The following GLG1 variants were observed in gnomAD, a reference collection of about 807,000 sequenced individuals.
The protein encoded by GLG1 is golgi glycoprotein 1, also known as Golgi apparatus protein 1.
Under a neutral mutation model 160.5 loss-of-function variants are expected in GLG1, and 38 were observed. The ratio of observed to expected loss-of-function variants is 0.24; its 90% CI spans 0.18 to 0.31. The LOEUF is 0.31. Ranked by LOEUF, GLG1 falls within the 10% of genes least tolerant of loss-of-function variation. GLG1 has a pLI of 1.00. For synonymous variants in GLG1, 644 were observed against 543.4 expected, an observed-to-expected ratio of 1.19 and a Z score of -2.57; for missense variants, 1,373 against 1,505.2, an observed-to-expected ratio of 0.91 and a Z score of 1.45.
rs189788578 is a variant in GLG1 at position 74,505,242 on chromosome 16, T to C, written c.559-1496A>G. On this transcript the variant is annotated intron_variant, in intron 3 of 25. Coordinates refer to ENST00000422840, the MANE Select transcript of GLG1 (RefSeq NM_001145667.2). ...GTTGTCTTCACCTCTAACTCCAGTA[T>C]CAAATCCAGACCACGTAAATAACTC... Among the ~76,000 whole-genome samples the C allele has an allele frequency of 3.5e-4, 53 of 152,304 alleles. 1 individual carries two copies. Among genetic ancestry groups the C allele is most frequent in the Admixed American group, 1.5e-3 (23 of 15,296 alleles).
chr16:74,599,587 G>A lies in GLG1; in HGVS notation c.438+7070C>T, dbSNP rs143793708. Among the ~76,000 whole-genome samples, 1,234 of 152,106 alleles carry A rather than the reference G, an allele frequency of 8.1e-3. 15 individuals are homozygous for A. Among genetic ancestry groups the A allele is most frequent in the African/African-American group, 0.028 (1,142 of 41,492 alleles). ...TACAAAAATTAGCCAAGCCTCGGCC[G>A]GACACAGTGGCTCACGCCTGTCATC... On this transcript the variant is annotated intron_variant, in intron 1 of 25. Transcript: ENST00000422840.
intron 1 of GLG1, among the ~76,000 whole-genome samples, chr16:74,548,904 G>A (rs1597335919): frequency 6.6e-6 from 1 of 152,086 alleles, no homozygotes; most frequent in Admixed American, 6.5e-5. Flanking sequence ...GCTGAGGCAG[G>A]AGAATCACTT....
At chr16:74,569,781 TG>T (rs1416525251) in intron 1 of GLG1, among the ~76,000 whole-genome samples, 3 of 149,584 alleles carry the variant, frequency 2.0e-5, no homozygotes, top group African/African-American at 7.4e-5. Flanking sequence ...GAGAATCACT[TG>T]AACCTGGGGA....
chr16:74,543,478 T>C (rs367815802), intron 1 of GLG1, among the ~76,000 whole-genome samples: 14 of 151,470 alleles, frequency 9.2e-5, no homozygotes, highest in African/African-American at 2.2e-4. Context: ...AACTTACCTC[T>C]AAAAAAACAG....
intron 1 of GLG1, among the ~76,000 whole-genome samples, chr16:74,541,083 T>C (rs1207748699): frequency 2.0e-5 from 3 of 152,160 alleles, no homozygotes; most frequent in African/African-American, 7.2e-5. Flanking sequence ...CCCTGCACTT[T>C]GGGAGGCTGA....
At chr16:74,501,297 G>A (rs922014365) in intron 4 of GLG1, among the ~76,000 whole-genome samples, 4 of 152,228 alleles carry the variant, frequency 2.6e-5, no homozygotes, top group East Asian at 3.9e-4. Flanking sequence ...CTATCTCACC[G>A]TCCCCAAAAT....
chr16:74,596,052 G>C (rs1441783089), intron 1 of GLG1, among the ~76,000 whole-genome samples: 1 of 152,154 alleles, frequency 6.6e-6, no homozygotes, highest in Admixed American at 6.5e-5. Flanking sequence ...GAACCTGAGA[G>C]GCAGAGGTTG....
rs75630450 is a variant in GLG1 at position 74,481,395 on chromosome 16, A to G, written c.1674-1001T>C. ...GTCAACTTTGGTAGATGGCTAGTTA[A>G]TGGGAGAAAAAAGCTAATATTTAAT... is the stretch of plus-strand genomic sequence containing the variant. On this transcript the variant is annotated intron_variant, in intron 10 of 25. Coordinates refer to ENST00000422840, the MANE Select transcript of GLG1 (RefSeq NM_001145667.2). Among the ~76,000 whole-genome samples the G allele has an allele frequency of 6.7e-4, 102 of 152,308 alleles. 1 individual carries two copies. In the East Asian group the frequency reaches 0.017, roughly 25 times the overall value.
chr16:74,524,077 G>T (rs759732144), intron 2 of GLG1, among the ~76,000 whole-genome samples: 1 of 152,060 alleles, frequency 6.6e-6, no homozygotes, highest in Non-Finnish European at 1.5e-5. Context: ...GCTGGGTGTG[G>T]TATGTGCCTG....
intron 1 of GLG1, chr16:74,563,348 G>C (rs145625941): frequency 1.3e-5 from 2 of 152,246 alleles, no homozygotes; most frequent in African/African-American, 4.8e-5. Context: ...GAACACTAGT[G>C]CTTGGAAGCC....
At chr16:74,483,172 C>G in intron 9 of GLG1, 48 bp from the exon 10 acceptor site, 1 of 1,072,488 alleles carries the variant, frequency 9.3e-7, no homozygotes, top group Non-Finnish European at 1.4e-6. Flanking sequence ...GTGTTCAGAA[C>G]TCTATGTCAA....
intron 20 of GLG1, chr16:74,462,920 C>A (rs569972452): frequency 4.3e-6 from 2 of 464,118 alleles, no homozygotes; most frequent in African/African-American, 2.0e-5. Flanking sequence ...CATCAGCAAC[C>A]TTCCCCATAA....
At position 74,585,627 on chromosome 16, in the gene GLG1, G is replaced by A. The variant is rs544892633; in HGVS notation, c.438+21030C>T. Reference sequence around the variant, plus strand: ...GGAGGCTGAGGCAGGAGAATGGCGTGAACTCAGGAGGCAGAGCTTGCAGTG... The same window carrying A: ...GGAGGCTGAGGCAGGAGAATGGCGTAAACTCAGGAGGCAGAGCTTGCAGTG... On this transcript the variant is annotated intron_variant, in intron 1 of 25. Coordinates refer to ENST00000422840, the MANE Select transcript of GLG1 (RefSeq NM_001145667.2). Among the ~76,000 whole-genome samples the A allele has an allele frequency of 2.1e-5, 3 of 145,602 alleles. No homozygotes were observed. In the Admixed American group the frequency reaches 2.2e-4, roughly 11 times the overall value.
rs34125450 is a variant in GLG1 at position 74,479,051 on chromosome 16, CAAAAAAAAAA to C, written c.1827+1180_1827+1189del. On this transcript the variant is annotated intron_variant, in intron 11 of 25. Coordinates refer to ENST00000422840, the MANE Select transcript of GLG1 (RefSeq NM_001145667.2). Reference sequence around the variant, plus strand: ...AGAAACCCCGTCTCTATTAAAAATCCAAAAAAAAAAAAAAAAAAAAAAAAAAAGCCAGGCA... The same window carrying C: ...AGAAACCCCGTCTCTATTAAAAATCCAAAAAAAAAAAAAAAAAGCCAGGCA... Among the ~76,000 whole-genome samples the C allele has an allele frequency of 0.025, 434 of 17,584 alleles. 25 individuals are homozygous for C. In the East Asian group the frequency reaches 0.28, roughly 11 times the overall value. The allele number at this position is 17,584 out of a possible 152,430, so 11.5% of individuals were successfully genotyped here.
chr16:74,555,129 G>C (rs537166283), intron 1 of GLG1, among the ~76,000 whole-genome samples: 8 of 152,078 alleles, frequency 5.3e-5, no homozygotes, highest in African/African-American at 1.7e-4. Context: ...CCACCAGATG[G>C]GCCATTCTCA....
At chr16:74,511,360 T>G (rs1237651985) in intron 2 of GLG1, among the ~76,000 whole-genome samples, 1 of 151,758 alleles carries the variant, frequency 6.6e-6, no homozygotes, top group Non-Finnish European at 1.5e-5. Context: ...CATCAATAAC[T>G]GAGTTTTTAG....
In GLG1 at chr16:74,465,839, T is replaced by C. The variant is rs774797664; in HGVS notation, c.2530-26A>G. 2.5e-6 allele frequency: 4 copies of C among 1,609,220 alleles called. No homozygotes were observed. The South Asian group carries it at 4.4e-5, about 18-fold the overall frequency. On this transcript the variant is annotated intron_variant, in intron 18 of 25. Transcript: ENST00000422840. ...CTATGGCAAAAGAGTTATAGTCAAG[T>C]TGAGAGATGTCAGAGACTGCTCATC...
chr16:74,465,906 A>C, intron 18 of GLG1, 93 bp from the exon 19 acceptor site: 1 of 1,049,968 alleles, frequency 9.5e-7, no homozygotes, highest in Non-Finnish European at 1.4e-6. Flanking sequence ...TGTGCCTCCC[A>C]TTTCTTTATC....
chr16:74,497,461 G>A (rs1205023931), intron 4 of GLG1, among the ~76,000 whole-genome samples: 5 of 127,154 alleles, frequency 3.9e-5, no homozygotes, highest in Admixed American at 2.6e-4. Context: ...TTTTTGAGAC[G>A]GAGTCTCGCT....
Sources: allele counts gnomAD v4.1 joint callset (sites outside exome capture counted in the v4.1 genomes callset), GRCh38; gene constraint gnomAD v4.1.1; transcripts MANE v1.5; gene names NCBI Gene and HGNC (gene_info 2026-07-23, HGNC 2026-07-21).